Variants in TM7SF3 observed in about 807,000 individuals in gnomAD.
TM7SF3 encodes seven span transmembrane protein.
TM7SF3 carries 60 observed loss-of-function variants against 65.5 expected under a neutral mutation model. The ratio of observed to expected loss-of-function variants is 0.92; its 90% CI spans 0.74 to 1.14. The LOEUF (loss-of-function observed/expected upper bound fraction) is 1.14. Among genes scored for constraint, TM7SF3 ranks in the 50% most tolerant of loss-of-function variants. The probability of loss-of-function intolerance (pLI) is 0.00; values close to 1 mark genes in which losing one functional copy is unlikely to be tolerated. For missense variants in TM7SF3, 623 were observed against 684.8 expected (o/e 0.91, Z 1.01); for synonymous variants, 264 against 259.6 (o/e 1.02, Z -0.16).
chr12:26,992,456 T>C (rs1940410909), intron 5 of TM7SF3, among the ~76,000 whole-genome samples: 1 of 152,118 alleles, frequency 6.6e-6, no homozygotes, highest in African/African-American at 2.4e-5. Flanking sequence ...AGCTAATTTT[T>C]TGTATTTTTA....
At chr12:26,994,738 T>C (rs1359428134) in intron 5 of TM7SF3, among the ~76,000 whole-genome samples, 1 of 152,208 alleles carries the variant, frequency 6.6e-6, no homozygotes, top group Non-Finnish European at 1.5e-5. Context: ...TCCCCAGTGA[T>C]GCCAATGCCA....
rs1438760071 is a variant in TM7SF3, at chr12:26,973,165, A to G, written c.*800T>C. 1 of 120,140 alleles carries G rather than the reference A, an allele frequency of 8.3e-6. No individual in the cohort carries two copies. Among genetic ancestry groups the G allele is most frequent in the Non-Finnish European group, 1.7e-5 (1 of 58,806 alleles). 7.4% of individuals were successfully genotyped at this position (120,140 alleles called of 1,614,324 possible). A position where few individuals can be genotyped will look rare whatever the true frequency, so the allele number is the denominator to read the frequency against. On this transcript the variant is annotated 3_prime_UTR_variant, in exon 12 of 12. Coordinates refer to ENST00000343028, the MANE Select transcript of TM7SF3 (RefSeq NM_016551.3). ...ACTAAGTAATCAGACTGCTTTTAGT[A>G]AGAAAATAAGTTTTTTTTTTTTTTA...
At chr12:26,997,047 C>CA (rs1299768068) in intron 3 of TM7SF3, among the ~76,000 whole-genome samples, 185 bp from the exon 4 acceptor site, 1 of 152,184 alleles carries the variant, frequency 6.6e-6, no homozygotes, top group Non-Finnish European at 1.5e-5. Flanking sequence ...AACTGAGGTT[C>CA]AGGGCCCTAG....
chr12:27,014,042 A>C lies in TM7SF3; in HGVS notation c.91+36T>G, dbSNP rs947577326. Reference sequence around the variant, plus strand: ...TGACCTCGCAAGAAATGCAAAAGCAACTTTGGGTTGCAGAAGCCAGGCGCC... The same window carrying C: ...TGACCTCGCAAGAAATGCAAAAGCACCTTTGGGTTGCAGAAGCCAGGCGCC... On this transcript the variant is annotated intron_variant, in intron 1 of 11. Coordinates refer to ENST00000343028, the MANE Select transcript of TM7SF3 (RefSeq NM_016551.3). The C allele has an allele frequency of 2.0e-6, 3 of 1,532,398 alleles. No individual in the cohort carries two copies. In the African/African-American group the frequency reaches 4.1e-5, roughly 21 times the overall value. The allele number at this position is 1,532,398 out of a possible 1,614,324, so 94.9% of individuals were successfully genotyped here. A position where few individuals can be genotyped will look rare whatever the true frequency, so the allele number is the denominator to read the frequency against.
At chr12:26,980,459 A>C in intron 8 of TM7SF3, 107 bp downstream of exon 8, 1 of 689,704 alleles carries the variant, frequency 1.4e-6, no homozygotes. Context: ...TTACATAAGT[A>C]ATAGGCTGTC....
chr12:27,003,711 C>T (rs1940924033), intron 1 of TM7SF3, among the ~76,000 whole-genome samples: 1 of 152,144 alleles, frequency 6.6e-6, no homozygotes. Context: ...AACAGAGTCC[C>T]TGAATTTAAA....
At chr12:26,980,478 T>C in intron 8 of TM7SF3, 88 bp downstream of exon 8, 1 of 753,092 alleles carries the variant, frequency 1.3e-6, no homozygotes, top group South Asian at 1.6e-5. Context: ...TCACACACAA[T>C]ATAGGCCAAA....
intron 11 of TM7SF3, 108 bp downstream of exon 11, chr12:26,975,388 G>C (rs1402503432): frequency 9.0e-7 from 1 of 1,116,852 alleles, no homozygotes; most frequent in Non-Finnish European, 1.3e-6. Context: ...CCCTCCTTTT[G>C]TCCCAGTTGA....
rs774323268 is a variant in TM7SF3, at chr12:26,976,264, C to T, written c.1283G>A (p.Arg428Lys). 1.4e-5 allele frequency: 23 copies of T among 1,608,094 alleles called. No homozygotes were observed. The highest frequency in any genetic ancestry group is 1.4e-4 in the South Asian group (13 of 90,952). The stretch of plus-strand genomic sequence containing the variant: ...AACTTTTGATGAAACACTTACTATT[C>T]TTAGGCAGCCCATGAAAACTACTGG... Reference protein sequence around the residue: ...LIPVVFMGCLRILNILTCGVI... With the variant: ...LIPVVFMGCLKILNILTCGVI... The change falls in exon 10 of 12, where the codon AGA becomes AAA. Residue 428 changes from arginine to lysine, a missense_variant. Transcript: ENST00000343028.
At chr12:26,988,720 A>G (rs906407167) in intron 6 of TM7SF3, among the ~76,000 whole-genome samples, 1 of 148,180 alleles carries the variant, frequency 6.7e-6, no homozygotes, top group African/African-American at 2.5e-5. Context: ...ACGTATCTAT[A>G]CATACACAGT....
intron 1 of TM7SF3, among the ~76,000 whole-genome samples, chr12:27,004,857 A>G (rs563052565): frequency 4.9e-4 from 75 of 152,324 alleles, no homozygotes; most frequent in African/African-American, 1.7e-3. Flanking sequence ...TGAAGATAGC[A>G]TATTTCCTAT....
chr12:26,977,908 T>A (rs1056902352), intron 9 of TM7SF3: 1 of 305,810 alleles, frequency 3.3e-6, no homozygotes, highest in African/African-American at 2.2e-5. Context: ...AAGACCACCC[T>A]AGGCAACAGT....
chr12:26,989,461 A>G (rs1027499013), intron 6 of TM7SF3, among the ~76,000 whole-genome samples: 4 of 152,030 alleles, frequency 2.6e-5, no homozygotes, highest in African/African-American at 9.7e-5. Flanking sequence ...AGAGTTATAC[A>G]CAGGTTTTCA....
intron 6 of TM7SF3, among the ~76,000 whole-genome samples, chr12:26,987,029 A>C (rs1258485979): frequency 2.0e-5 from 3 of 152,158 alleles, no homozygotes; most frequent in Non-Finnish European, 4.4e-5. Context: ...TGGAGCACCC[A>C]GGGCTCAGTC....
chr12:27,003,235 C>T lies in TM7SF3; in HGVS notation c.246+1G>A, dbSNP rs1940903227. On this transcript the variant is annotated splice_donor_variant, in intron 2 of 11. Transcript: ENST00000343028. LOFTEE classifies it high-confidence loss of function. The stretch of plus-strand genomic sequence containing the variant: ...TTACTAAAATAATTCTTTGCACTTA[C>T]CGGAGAAAAGGAAACAGTTGTATTC... The T allele has an allele frequency of 6.2e-7, 1 of 1,600,578 alleles. No individual in the cohort carries two copies. The highest frequency in any genetic ancestry group is 8.5e-7 in the Non-Finnish European group (1 of 1,173,466).
intron 9 of TM7SF3, chr12:26,978,572 TG>T (rs2136379144): frequency 6.6e-6 from 1 of 152,314 alleles, no homozygotes; most frequent in African/African-American, 2.4e-5. Context: ...AGTTGGTTTT[TG>T]TGGTCTTTTT....
intron 5 of TM7SF3, among the ~76,000 whole-genome samples, chr12:26,992,443 C>T (rs1279106907): frequency 6.6e-6 from 1 of 152,050 alleles, no homozygotes; most frequent in Non-Finnish European, 1.5e-5. Flanking sequence ...CACCACTACG[C>T]CCAGCTAATT....
intron 5 of TM7SF3, among the ~76,000 whole-genome samples, chr12:26,991,944 G>GGGTA (rs1464650713): frequency 1.3e-5 from 2 of 152,116 alleles, no homozygotes; most frequent in Non-Finnish European, 2.9e-5. Flanking sequence ...GAATCGCAGG[G>GGGTA]GGCAGTCTTG....
At chr12:27,010,233 T>C (rs1486611834) in intron 1 of TM7SF3, among the ~76,000 whole-genome samples, 1 of 152,228 alleles carries the variant, frequency 6.6e-6, no homozygotes, top group Admixed American at 6.5e-5. Context: ...TAAAGCATCA[T>C]TTATTAATTT....
Sources: gnomAD v4.1 joint callset for allele counts (sites outside exome capture counted in the v4.1 genomes callset) on GRCh38, gnomAD v4.1.1 for gene constraint, MANE v1.5 for transcripts, NCBI Gene and HGNC (gene_info 2026-07-23, HGNC 2026-07-21) for gene names.